PRH1: variants seen among roughly 807,000 people sequenced by gnomAD.
PRH1 encodes the protein salivary acidic proline-rich phosphoprotein 1/2.
Under a neutral mutation model 7.9 loss-of-function variants are expected in PRH1, and 7 were observed. The observed-to-expected ratio is 0.89, with a 90% CI of 0.50 to 1.67. PRH1 has a LOEUF of 1.67. PRH1 is among the 40% of genes most tolerant of loss of function. The pLI is 0.00. For missense variants in PRH1, 109 were observed against 223.6 expected (o/e 0.49, Z 3.27); for synonymous variants, 45 against 80.8 (o/e 0.56, Z 2.38).
intron 2 of PRH1, chr12:10,908,044 A>G (rs1280695870): frequency 4.5e-6 from 1 of 220,392 alleles, no homozygotes; most frequent in Non-Finnish European, 8.8e-6. Flanking sequence ...CATCTCAATG[A>G]ATGATTTAGA....
chr12:10,986,782 T>G lies in PRH1; in HGVS notation c.-125-13061A>C, dbSNP rs1386680471. On this transcript the variant is annotated intron_variant, in intron 1 of 3. Transcript: ENST00000539853. ...CAGTCAATGAAATTTACCAGTGCTA[T>G]GAAGCCATTGGCAAAGTTTCCGAGA... The G allele has an allele frequency of 6.9e-6, 11 of 1,591,202 alleles. 1 individual carries two copies. Among genetic ancestry groups the G allele is most frequent in the African/African-American group, 1.4e-5 (1 of 73,172 alleles).
chr12:10,971,867 T>C (rs1565510829), intron 2 of PRH1, among the ~76,000 whole-genome samples: 1 of 152,322 alleles, frequency 6.6e-6, no homozygotes, highest in South Asian at 2.1e-4. Flanking sequence ...TATCATTCTA[T>C]GATTGTGATT....
intron 1 of PRH1, chr12:11,022,630 C>T (rs1941719828): frequency 8.2e-7 from 1 of 1,220,092 alleles, no homozygotes; most frequent in Non-Finnish European, 1.1e-6. Context: ...CTTTAACATC[C>T]AGATGTTAAC....
In PRH1 at chr12:11,087,975, T is replaced by C. The variant is rs138652798; in HGVS notation, n.124-40787A>G. On this transcript the variant is annotated intron_variant and non_coding_transcript_variant, in intron 1 of 4. Transcript: ENST00000541977. ...TAATAATAACACTGTCACTGTTTTA[T>C]ATCATGGCTATGTCACTTCTGTTCT... 6.4e-3 allele frequency among the ~76,000 whole-genome samples: 763 copies of C among 118,538 alleles called. 174 individuals are homozygous for C. Among genetic ancestry groups the C allele is most frequent in the African/African-American group, 0.021 (731 of 35,320 alleles). 77.8% of individuals were successfully genotyped at this position (118,538 alleles called of 152,430 possible). A position where few individuals can be genotyped will look rare whatever the true frequency, so the allele number is the denominator to read the frequency against.
intron 1 of PRH1, chr12:11,061,853 T>A: frequency 6.2e-7 from 1 of 1,614,174 alleles, no homozygotes; most frequent in Non-Finnish European, 8.5e-7. Flanking sequence ...TGATTCATGT[T>A]TATCACAAAA....
At chr12:10,979,722 G>A (rs1488655171) in intron 1 of PRH1, among the ~76,000 whole-genome samples, 1 of 152,188 alleles carries the variant, frequency 6.6e-6, no homozygotes, top group Non-Finnish European at 1.5e-5. Context: ...ATCTTGGCAA[G>A]AAATGCAGAA....
At chr12:10,887,538 T>TC (rs1949510357), upstream of PRH1, among the ~76,000 whole-genome samples, 2 of 151,436 alleles carry the variant, frequency 1.3e-5, no homozygotes, top group South Asian at 4.2e-4. Context: ...TTTTTTTTTT[T>TC]TGAGATGGTG....
chr12:11,166,097 C>T (rs1947571204), intron 1 of PRH1: 2 of 152,246 alleles, frequency 1.3e-5, no homozygotes, highest in Non-Finnish European at 2.9e-5. Flanking sequence ...GGCTGAAAGC[C>T]GGTTTTCTCC....
At position 10,903,931 on chromosome 12, in the gene PRH1, C is replaced by CAAAAAAAAAAAAAAAAAAAAAAAAAAAAA. The variant is rs546066515; in HGVS notation, c.-58-19657_-58-19656insTTTTTTTTTTTTTTTTTTTTTTTTTTTTT. 4.2e-3 allele frequency among the ~76,000 whole-genome samples: 130 copies of CAAAAAAAAAAAAAAAAAAAAAAAAAAAAA among 31,092 alleles called. 22 individuals carry two copies. Among genetic ancestry groups the CAAAAAAAAAAAAAAAAAAAAAAAAAAAAA allele is most frequent in the East Asian group, 0.01 (7 of 674 alleles). 20.4% of individuals were successfully genotyped at this position (31,092 alleles called of 152,430 possible). A position where few individuals can be genotyped will look rare whatever the true frequency, so the allele number is the denominator to read the frequency against. ...AATGCAATCCCATTTACAATAGCCT[C>CAAAAAAAAAAAAAAAAAAAAAAAAAAAAA]AAAAAAAAAAAAAAAAAAAAAAACA... On this transcript the variant is annotated intron_variant, in intron 2 of 3. Coordinates refer to the PRH1 transcript ENST00000539853.
At chr12:10,972,927 A>ATC (rs1938886322) in intron 2 of PRH1, among the ~76,000 whole-genome samples, 1 of 111,942 alleles carries the variant, frequency 8.9e-6, no homozygotes, top group African/African-American at 3.4e-5. Flanking sequence ...AAAGCACCAC[A>ATC]ACCCACCCCC....
upstream of PRH1, among the ~76,000 whole-genome samples, chr12:11,047,759 TG>T (rs1272869813): frequency 6.6e-6 from 1 of 152,102 alleles, no homozygotes; most frequent in African/African-American, 2.4e-5. Flanking sequence ...CAAATTTTAT[TG>T]TGTGCATCAT....
chr12:11,006,985 G>C (rs1250592496), intron 1 of PRH1, among the ~76,000 whole-genome samples: 1 of 151,956 alleles, frequency 6.6e-6, no homozygotes, highest in Non-Finnish European at 1.5e-5. Context: ...TCATTGTTTT[G>C]CAATGTTTTT....
At chr12:11,126,071 CATAT>C (rs1261298817) in intron 1 of PRH1, among the ~76,000 whole-genome samples, 1 of 126,066 alleles carries the variant, frequency 7.9e-6, no homozygotes, top group Non-Finnish European at 1.8e-5. Flanking sequence ...TGAAACATAA[CATAT>C]ATATAAATTA....
chr12:11,025,442 T>C (rs1410369777), intron 1 of PRH1, among the ~76,000 whole-genome samples: 1 of 150,952 alleles, frequency 6.6e-6, no homozygotes, highest in Non-Finnish European at 1.5e-5. Context: ...ATACAGTTCT[T>C]TTCAACATAC....
intron 1 of PRH1, among the ~76,000 whole-genome samples, chr12:11,148,145 G>A (rs1173391902): frequency 2.1e-5 from 3 of 142,356 alleles, no homozygotes; most frequent in Non-Finnish European, 4.7e-5. Context: ...TTTGTATCCT[G>A]AGACTTTGCT....
chr12:10,953,181 GAGAA>G (rs774309472), intron 2 of PRH1, among the ~76,000 whole-genome samples: 2 of 151,968 alleles, frequency 1.3e-5, no homozygotes, highest in Non-Finnish European at 2.9e-5. Flanking sequence ...CCACAGAGAT[GAGAA>G]AGAATCAGCA....
intron 1 of PRH1, among the ~76,000 whole-genome samples, chr12:11,096,261 C>A (rs1180959773): frequency 8.7e-6 from 1 of 115,240 alleles, no homozygotes; most frequent in South Asian, 2.4e-4. Flanking sequence ...ACCTCTTGAT[C>A]TCTTTATGCT....
intron 1 of PRH1, among the ~76,000 whole-genome samples, chr12:10,975,240 A>G (rs1442728047): frequency 6.6e-6 from 1 of 152,234 alleles, no homozygotes; most frequent in African/African-American, 2.4e-5. Context: ...AAGCCCTACA[A>G]ACAGAAAGAG....
At position 11,030,999 on chromosome 12, in the gene PRH1, A is replaced by T. The variant is rs372440272; in HGVS notation, c.-126+16021T>A. ...AAGTGAAGAAAAATAAGGTTGGAGA[A>T]ATTGGCAATCTTGAGCAAATAAAAT... is the stretch of plus-strand genomic sequence containing the variant. On this transcript the variant is annotated intron_variant, in intron 1 of 3. Coordinates refer to the PRH1 transcript ENST00000539853. 9.3e-6 allele frequency: 15 copies of T among 1,614,176 alleles called. No individual in the cohort carries two copies. In the African/African-American group the frequency reaches 1.7e-4, roughly 19 times the overall value.
Sources: gnomAD v4.1 joint callset for allele counts (sites outside exome capture counted in the v4.1 genomes callset) on GRCh38, gnomAD v4.1.1 for gene constraint, MANE v1.5 for transcripts, NCBI Gene and HGNC (gene_info 2026-07-23, HGNC 2026-07-21) for gene names.